Variants in OPCML observed in about 807,000 individuals in gnomAD.
OPCML encodes the protein opioid binding protein/cell adhesion molecule like, also known as opioid-binding protein/cell adhesion molecule.
A neutral mutation model predicts 37.8 loss-of-function variants in OPCML; 13 were observed. The ratio of observed to expected loss-of-function variants is 0.34; its 90% CI spans 0.22 to 0.55. The LOEUF is 0.55. Ranked by LOEUF, OPCML falls within the 20% of genes least tolerant of loss-of-function variation. The probability of loss-of-function intolerance (pLI) is 0.91; values close to 1 mark genes in which losing one functional copy is unlikely to be tolerated. For synonymous variants in OPCML, 176 were observed against 168.8 expected (o/e 1.04, Z -0.33); for missense variants, 341 against 435.6 (o/e 0.78, Z 1.93).
intron 3 of OPCML, among the ~76,000 whole-genome samples, chr11:132,544,421 G>A (rs1454194884): frequency 6.6e-6 from 1 of 152,010 alleles, no homozygotes; most frequent in African/African-American, 2.4e-5. Flanking sequence ...AATGCTGCAG[G>A]GATTTTATCA....
At chr11:132,775,732 A>T (rs1946786117) in intron 2 of OPCML, among the ~76,000 whole-genome samples, 1 of 152,178 alleles carries the variant, frequency 6.6e-6, no homozygotes, top group Admixed American at 6.5e-5. Flanking sequence ...GCTCCTAGAA[A>T]ACAGCAGAGC....
At chr11:132,570,820 G>GAGA (rs1245612388) in intron 3 of OPCML, among the ~76,000 whole-genome samples, 55 of 123,666 alleles carry the variant, frequency 4.4e-4, no homozygotes, top group Middle Eastern at 4.6e-3. Flanking sequence ...GAGAGAGAGA[G>GAGA]GATATATACT....
At chr11:132,770,389 G>A (rs1483876832) in intron 2 of OPCML, among the ~76,000 whole-genome samples, 1 of 152,064 alleles carries the variant, frequency 6.6e-6, no homozygotes, top group Non-Finnish European at 1.5e-5. Flanking sequence ...GGGGAGGAAG[G>A]GAGAGAGGAG....
chr11:133,018,762 A>G (rs551242570), intron 1 of OPCML, among the ~76,000 whole-genome samples: 4 of 152,234 alleles, frequency 2.6e-5, no homozygotes, highest in African/African-American at 9.6e-5. Flanking sequence ...ACACAGCATC[A>G]CCTATGGCCC....
intron 1 of OPCML, among the ~76,000 whole-genome samples, chr11:133,321,827 G>T (rs115241382): frequency 9.2e-5 from 14 of 152,222 alleles, no homozygotes; most frequent in Middle Eastern, 3.4e-3. Flanking sequence ...TGGCTGCCAT[G>T]GAAAATACCT....
chr11:132,584,220 C>T lies in OPCML; in HGVS notation c.380-55034G>A, dbSNP rs1157936667. On this transcript the variant is annotated intron_variant, in intron 3 of 7. Transcript: ENST00000524381. ...AGATATCAAGTAGAGGTAGGAGGAG[C>T]AAAGATAGGGTAAAATGCAAATATA... is the stretch of plus-strand genomic sequence containing the variant. Among the ~76,000 whole-genome samples, 5 of 152,006 alleles carry T rather than the reference C, an allele frequency of 3.3e-5. 1 individual carries two copies. The highest frequency in any genetic ancestry group is 3.3e-4 in the Admixed American group (5 of 15,252).
chr11:132,713,482 C>T (rs988843870), intron 2 of OPCML, among the ~76,000 whole-genome samples: 1 of 152,196 alleles, frequency 6.6e-6, no homozygotes, highest in Non-Finnish European at 1.5e-5. Flanking sequence ...ACCTCAAGTA[C>T]AGCATTCATT....
In OPCML at chr11:132,569,014, G is replaced by A. The variant is rs184058765; in HGVS notation, c.380-39828C>T. Among the ~76,000 whole-genome samples, 239 of 152,322 alleles carry A rather than the reference G, an allele frequency of 1.6e-3. 2 individuals carry two copies. The highest frequency in any genetic ancestry group is 5.5e-3 in the African/African-American group (228 of 41,570). On this transcript the variant is annotated intron_variant, in intron 3 of 7. Transcript: ENST00000524381. ...ATGGATCGCCAATGGTAAATGTGCAGATACAGGAGATGAAATCCGTGCAGT... is the reference window on the plus strand; with the variant it reads ...ATGGATCGCCAATGGTAAATGTGCAAATACAGGAGATGAAATCCGTGCAGT...
At chr11:133,009,146 G>A (rs576084066) in intron 1 of OPCML, 1 of 985,214 alleles carries the variant, frequency 1.0e-6, no homozygotes, top group East Asian at 1.1e-4. Flanking sequence ...TTTAGATTAG[G>A]ATTTATTTAC....
chr11:132,690,338 C>T (rs1013720817), intron 2 of OPCML, among the ~76,000 whole-genome samples: 2 of 152,150 alleles, frequency 1.3e-5, no homozygotes, highest in Admixed American at 1.3e-4. Flanking sequence ...ATCAGTATAG[C>T]TGAAGTGGGG....
At chr11:132,440,825 A>G (rs1250500622) in intron 4 of OPCML, among the ~76,000 whole-genome samples, 1 of 152,194 alleles carries the variant, frequency 6.6e-6, no homozygotes, top group African/African-American at 2.4e-5. Context: ...TGAAATTTTT[A>G]AAGCAGAATG....
At chr11:132,884,700 T>TGTG (rs1943343926) in intron 2 of OPCML, among the ~76,000 whole-genome samples, 1 of 152,202 alleles carries the variant, frequency 6.6e-6, no homozygotes, top group East Asian at 1.9e-4. Context: ...TGTGCAAGCT[T>TGTG]TCATTAGTGG....
chr11:133,270,378 C>A (rs182410145), intron 1 of OPCML, among the ~76,000 whole-genome samples: 7 of 151,888 alleles, frequency 4.6e-5, no homozygotes, highest in South Asian at 2.1e-4. Context: ...AAAAAAAAAA[C>A]CATCTCTTTG....
chr11:133,410,634 TAAAAAAA>T (rs71038527), intron 1 of OPCML, among the ~76,000 whole-genome samples: 676 of 46,670 alleles, frequency 0.014, no homozygotes, highest in Middle Eastern at 0.031. Context: ...AGAAAAAAAG[TAAAAAAA>T]AAAAAAAAAA....
At chr11:133,221,709 C>T (rs930409904) in intron 1 of OPCML, among the ~76,000 whole-genome samples, 2 of 152,094 alleles carry the variant, frequency 1.3e-5, no homozygotes, top group African/African-American at 2.4e-5. Context: ...TTATGCTGAG[C>T]GAGTGTGACT....
chr11:132,485,147 T>C (rs2096195542), intron 4 of OPCML, among the ~76,000 whole-genome samples: 1 of 152,250 alleles, frequency 6.6e-6, no homozygotes, highest in Middle Eastern at 3.4e-3. Context: ...CTGTCCAAAC[T>C]GACCTAAGAA....
chr11:133,422,519 G>C, intron 1 of OPCML: 1 of 980,440 alleles, frequency 1.0e-6, no homozygotes, highest in Non-Finnish European at 1.2e-6. Flanking sequence ...TCTGTTTTTA[G>C]AGACGGGGTC....
At chr11:132,798,976 C>G (rs774999753) in intron 2 of OPCML, among the ~76,000 whole-genome samples, 4 of 152,148 alleles carry the variant, frequency 2.6e-5, no homozygotes, top group African/African-American at 7.2e-5. Flanking sequence ...GTGCTGTCAT[C>G]CAGGCTCTGT....
chr11:133,095,353 C>T (rs1948985277), intron 1 of OPCML, among the ~76,000 whole-genome samples: 1 of 133,644 alleles, frequency 7.5e-6, no homozygotes, highest in South Asian at 2.4e-4. Flanking sequence ...GAGTAAAGAC[C>T]ACGGGACCTA....
Sources: gnomAD v4.1 joint callset for allele counts (sites outside exome capture counted in the v4.1 genomes callset) on GRCh38, gnomAD v4.1.1 for gene constraint, MANE v1.5 for transcripts, NCBI Gene and HGNC (gene_info 2026-07-23, HGNC 2026-07-21) for gene names.